Variants in ANO3 observed in about 807,000 individuals in gnomAD.
ANO3 encodes the protein anoctamin-3.
ANO3 carries 99 observed loss-of-function variants against 144.8 expected under a neutral mutation model. The ratio of observed to expected loss-of-function variants is 0.68; its 90% CI spans 0.58 to 0.81. ANO3 has a LOEUF of 0.81. Ranked by LOEUF, ANO3 falls within the 30% of genes least tolerant of loss-of-function variation. The pLI is 0.00. For missense variants in ANO3, 905 were observed against 1,202.2 expected (o/e 0.75, Z 3.66); for synonymous variants, 414 against 392.6 (o/e 1.05, Z -0.64).
At chr11:26,253,531 G>A (rs749465966) in intron 1 of ANO3, among the ~76,000 whole-genome samples, 5 of 149,702 alleles carry the variant, frequency 3.3e-5, no homozygotes, top group Non-Finnish European at 5.9e-5. Context: ...TAACAAACCT[G>A]TACTTGTATC....
At chr11:26,659,363 C>CTTT (rs34724600) in intron 26 of ANO3, among the ~76,000 whole-genome samples, 1 of 146,436 alleles carries the variant, frequency 6.8e-6, no homozygotes, top group African/African-American at 2.5e-5. Context: ...TTTATTCCTG[C>CTTT]TTTTTTTTTT....
chr11:26,350,095 A>G (rs537224662), intron 1 of ANO3, among the ~76,000 whole-genome samples: 28 of 150,212 alleles, frequency 1.9e-4, no homozygotes, highest in African/African-American at 7.1e-4. Context: ...GAGAAGAAAG[A>G]AACAGATCTA....
intron 13 of ANO3, among the ~76,000 whole-genome samples, chr11:26,554,449 G>A (rs1191690771): frequency 6.6e-6 from 1 of 152,090 alleles, no homozygotes; most frequent in Non-Finnish European, 1.5e-5. Context: ...TTACCTAGGA[G>A]TAGACTGGTT....
Position 26,347,368 on chromosome 11 carries a change from A to G in ANO3, c.46+15047A>G, listed in dbSNP as rs111753861. Among the ~76,000 whole-genome samples, 210 of 152,344 alleles carry G rather than the reference A, an allele frequency of 1.4e-3. 1 individual carries two copies. Among genetic ancestry groups the G allele is most frequent in the African/African-American group, 4.9e-3 (202 of 41,592 alleles). Reference sequence around the variant, plus strand: ...CAAAACTATTAATCCAATTATGACAAACAACAGATATTTATTGGATATCTA... The same window carrying G: ...CAAAACTATTAATCCAATTATGACAGACAACAGATATTTATTGGATATCTA... On this transcript the variant is annotated intron_variant, in intron 1 of 26. Transcript: ENST00000256737.
At chr11:26,534,667 A>G (rs899108943) in intron 9 of ANO3, 105 bp downstream of exon 9, 7 of 729,116 alleles carry the variant, frequency 9.6e-6, no homozygotes, top group Middle Eastern at 4.0e-4. Flanking sequence ...CATTAAATAG[A>G]TGTGTATAAC....
chr11:26,250,551 T>G (rs1364010023), intron 1 of ANO3, among the ~76,000 whole-genome samples: 2 of 152,294 alleles, frequency 1.3e-5, no homozygotes, highest in South Asian at 4.1e-4. Context: ...TTCTGTTGGA[T>G]TCATCACTGC....
At chr11:26,345,761 G>C (rs1855482448) in intron 1 of ANO3, among the ~76,000 whole-genome samples, 1 of 152,212 alleles carries the variant, frequency 6.6e-6, no homozygotes, top group South Asian at 2.1e-4. Context: ...GGGAGAATTT[G>C]TAATTTAACT....
intron 23 of ANO3, among the ~76,000 whole-genome samples, chr11:26,646,584 A>G (rs1853352320): frequency 6.6e-6 from 1 of 152,082 alleles, no homozygotes; most frequent in Non-Finnish European, 1.5e-5. Flanking sequence ...TTGTCAATCT[A>G]TTGGATTTTT....
intron 17 of ANO3, among the ~76,000 whole-genome samples, chr11:26,602,180 C>A (rs550053972): frequency 6.6e-6 from 1 of 152,084 alleles, no homozygotes; most frequent in Non-Finnish European, 1.5e-5. Flanking sequence ...GACAGAAGCA[C>A]AGAAATGCAT....
intron 1 of ANO3, among the ~76,000 whole-genome samples, chr11:26,310,168 T>C (rs1854473730): frequency 6.6e-6 from 1 of 152,180 alleles, no homozygotes; most frequent in Admixed American, 6.5e-5. Flanking sequence ...GATAGCTACA[T>C]ATATAAAATA....
chr11:26,218,506 CTTAT>C (rs756217736), intron 1 of ANO3, among the ~76,000 whole-genome samples: 7 of 152,096 alleles, frequency 4.6e-5, no homozygotes, highest in Non-Finnish European at 8.8e-5. Flanking sequence ...TTCCCTACGT[CTTAT>C]TTGTGTTCAA....
At chr11:26,451,325 T>G (rs551400466) in intron 3 of ANO3, among the ~76,000 whole-genome samples, 1 of 152,246 alleles carries the variant, frequency 6.6e-6, no homozygotes, top group South Asian at 2.1e-4. Flanking sequence ...GAGTTCCCTT[T>G]CCTAGTCAAA....
At chr11:26,429,220 G>A (rs545794222) in intron 1 of ANO3, among the ~76,000 whole-genome samples, 2 of 152,242 alleles carry the variant, frequency 1.3e-5, no homozygotes, top group African/African-American at 4.8e-5. Context: ...TGCACTGTGG[G>A]AAACCAACAA....
intron 1 of ANO3, among the ~76,000 whole-genome samples, chr11:26,256,770 A>G (rs12222020): frequency 0.018 from 2,792 of 152,198 alleles, 68 homozygotes; most frequent in East Asian, 0.12. Context: ...TTCTACTTTT[A>G]CAGGGTAAAT....
chr11:26,531,480 T>C (rs1849369944), intron 8 of ANO3, 144 bp downstream of exon 8: 1 of 911,706 alleles, frequency 1.1e-6, no homozygotes, highest in South Asian at 2.0e-5. Flanking sequence ...ACTTAACTTA[T>C]AAACAACACT....
chr11:26,502,611 G>A (rs535080716), intron 4 of ANO3, among the ~76,000 whole-genome samples: 1 of 152,080 alleles, frequency 6.6e-6, no homozygotes, highest in Admixed American at 6.5e-5. Context: ...AACCTTCCGT[G>A]TCTGTTGGTA....
At chr11:26,339,126 G>A (rs920756151) in intron 1 of ANO3, among the ~76,000 whole-genome samples, 5 of 151,668 alleles carry the variant, frequency 3.3e-5, no homozygotes, top group Admixed American at 6.6e-5. Flanking sequence ...GGGTTTGAAC[G>A]CAGCCCTCCC....
At position 26,611,589 on chromosome 11, in the gene ANO3, T is replaced by A. The variant is rs868647811; in HGVS notation, c.1836+11875T>A. 1.8e-4 allele frequency among the ~76,000 whole-genome samples: 28 copies of A among 152,298 alleles called. 1 individual carries two copies. The highest frequency in any genetic ancestry group is 3.4e-3 in the Middle Eastern group (1 of 294). On this transcript the variant is annotated intron_variant, in intron 17 of 26. Transcript: ENST00000256737. ...AGAAGAATGTTTACTCTGCAGCTGT[T>A]GGATGGAATGTTCTGTAAATATCTG... is the stretch of plus-strand genomic sequence containing the variant.
At chr11:26,588,934 A>G (rs974847015) in intron 14 of ANO3, among the ~76,000 whole-genome samples, 1 of 152,186 alleles carries the variant, frequency 6.6e-6, no homozygotes, top group African/African-American at 2.4e-5. Context: ...TGGAGATTCT[A>G]ATTTTTCCTG....
Sources: allele counts gnomAD v4.1 joint callset (sites outside exome capture counted in the v4.1 genomes callset), GRCh38; gene constraint gnomAD v4.1.1; transcripts MANE v1.5; gene names NCBI Gene and HGNC (gene_info 2026-07-23, HGNC 2026-07-21).